The following OPCML variants were observed in gnomAD, a reference collection of about 807,000 sequenced individuals.
The protein encoded by OPCML is opioid-binding protein/cell adhesion molecule.
A neutral mutation model predicts 37.8 loss-of-function variants in OPCML; 13 were observed. That is an observed-to-expected ratio of 0.34 (90% CI 0.22 to 0.55). The LOEUF is 0.55. OPCML is among the 20% of genes least tolerant of loss of function. The pLI is 0.91. For synonymous variants in OPCML, 176 were observed against 168.8 expected, an observed-to-expected ratio of 1.04 and a Z score of -0.33; for missense variants, 341 against 435.6, an observed-to-expected ratio of 0.78 and a Z score of 1.93.
chr11:133,000,139 C>A (rs1333632158), intron 1 of OPCML, among the ~76,000 whole-genome samples: 3 of 152,180 alleles, frequency 2.0e-5, no homozygotes, highest in Non-Finnish European at 2.9e-5. Context: ...TCACTGCAAC[C>A]TCTGCCTCCC....
At chr11:132,600,390 G>A (rs149750368) in intron 3 of OPCML, among the ~76,000 whole-genome samples, 52 of 152,282 alleles carry the variant, frequency 3.4e-4, no homozygotes, top group African/African-American at 1.2e-3. Context: ...AATACGAAGG[G>A]ACCAAAGGCC....
intron 1 of OPCML, among the ~76,000 whole-genome samples, chr11:133,271,672 C>A (rs1345911958): frequency 6.6e-6 from 1 of 152,124 alleles, no homozygotes; most frequent in Non-Finnish European, 1.5e-5. Context: ...TTGGTAGAAC[C>A]AATATTCTCA....
At chr11:132,480,431 T>C (rs1004133411) in intron 4 of OPCML, among the ~76,000 whole-genome samples, 4 of 152,186 alleles carry the variant, frequency 2.6e-5, no homozygotes, top group African/African-American at 9.7e-5. Context: ...TGGAACCAAG[T>C]TGGAAAACAC....
intron 1 of OPCML, among the ~76,000 whole-genome samples, chr11:133,159,587 G>A (rs1021779914): frequency 6.6e-6 from 1 of 152,208 alleles, no homozygotes; most frequent in East Asian, 1.9e-4. Context: ...ACTAAAGCAA[G>A]TCATGCGGCC....
chr11:132,829,645 C>T (rs1040510562), intron 2 of OPCML, among the ~76,000 whole-genome samples: 5 of 152,188 alleles, frequency 3.3e-5, no homozygotes, highest in Admixed American at 6.5e-5. Flanking sequence ...TTAGCAGCCT[C>T]ATGTCTCAGC....
chr11:132,446,398 G>A (rs575762913), intron 4 of OPCML, among the ~76,000 whole-genome samples: 7 of 151,950 alleles, frequency 4.6e-5, no homozygotes, highest in African/African-American at 1.7e-4. Context: ...ATTCCATACA[G>A]GCAGACAAAT....
chr11:133,419,239 T>C (rs1565624304), intron 1 of OPCML: 3 of 985,350 alleles, frequency 3.0e-6, no homozygotes, highest in Non-Finnish European at 3.6e-6. Context: ...ACAGTCATAG[T>C]TGGGAGAGAG....
chr11:132,713,617 C>T (rs1292207766), intron 2 of OPCML, among the ~76,000 whole-genome samples: 1 of 152,202 alleles, frequency 6.6e-6, no homozygotes, highest in Non-Finnish European at 1.5e-5. Flanking sequence ...GTATTCAGTT[C>T]TCCTCCCTCA....
chr11:132,879,907 C>T (rs968188295), intron 2 of OPCML, among the ~76,000 whole-genome samples: 13 of 152,154 alleles, frequency 8.5e-5, no homozygotes, highest in Middle Eastern at 3.2e-3. Flanking sequence ...GGCATTTGGG[C>T]TATTCTGAAT....
chr11:132,470,966 A>T (rs1454670448), intron 4 of OPCML, among the ~76,000 whole-genome samples: 5 of 152,196 alleles, frequency 3.3e-5, no homozygotes, highest in Non-Finnish European at 7.4e-5. Context: ...GAAAAAGGAG[A>T]ACCTCAGATA....
rs550855780 is a variant in OPCML, at chr11:132,604,848, A to C, written c.379+52239T>G. On this transcript the variant is annotated intron_variant, in intron 3 of 7. Coordinates refer to ENST00000524381, the MANE Select transcript of OPCML (RefSeq NM_001012393.5). ...TTAATTGATGTAGAGGGTATAGTGA[A>C]GCATTGATGGCCTGTAAGACCAAAA... Among the ~76,000 whole-genome samples the C allele has an allele frequency of 9.5e-4, 144 of 152,318 alleles. 3 individuals carry two copies. In the South Asian group the frequency reaches 0.029, roughly 31 times the overall value.
chr11:133,384,247 C>CAAAAAAAAAAAAAAAAAAAAAAA (rs1186998875), intron 1 of OPCML, among the ~76,000 whole-genome samples: 1 of 71,238 alleles, frequency 1.4e-5, no homozygotes. Flanking sequence ...GGCCACTGTG[C>CAAAAAAAAAAAAAAAAAAAAAAA]AAAAAAAAAA....
intron 4 of OPCML, among the ~76,000 whole-genome samples, chr11:132,524,245 A>G (rs1565636058): frequency 6.6e-6 from 1 of 152,200 alleles, no homozygotes; most frequent in Non-Finnish European, 1.5e-5. Context: ...GGAACGGGAA[A>G]GGAAGTAATT....
intron 1 of OPCML, among the ~76,000 whole-genome samples, chr11:133,489,631 T>C (rs1248950513): frequency 1.3e-5 from 2 of 152,064 alleles, no homozygotes; most frequent in East Asian, 3.9e-4. Flanking sequence ...GTTGGCGGAA[T>C]GTAAATTAAT....
chr11:133,200,077 C>A (rs76014673), intron 1 of OPCML, among the ~76,000 whole-genome samples: 10,222 of 152,238 alleles, frequency 0.067, 480 homozygotes, highest in South Asian at 0.17. Context: ...AAATGAGCAC[C>A]ATTTCCCCCA....
chr11:132,768,208 A>G (rs1366291418), intron 2 of OPCML, among the ~76,000 whole-genome samples: 1 of 152,132 alleles, frequency 6.6e-6, no homozygotes, highest in East Asian at 1.9e-4. Context: ...GCTTCTATTC[A>G]TTGTTCTGAT....
chr11:132,820,037 C>A (rs1217628481), intron 2 of OPCML, among the ~76,000 whole-genome samples: 1 of 151,970 alleles, frequency 6.6e-6, no homozygotes, highest in Non-Finnish European at 1.5e-5. Context: ...GAGGGTCTTA[C>A]ATATAGCCTT....
intron 1 of OPCML, among the ~76,000 whole-genome samples, chr11:133,252,465 C>A (rs930545653): frequency 1.3e-5 from 2 of 152,114 alleles, no homozygotes; most frequent in African/African-American, 4.8e-5. Context: ...AATCTGTCAC[C>A]CATCAGCAAC....
At position 132,831,781 on chromosome 11, in the gene OPCML, A is replaced by C. The variant is rs550785011; in HGVS notation, c.146+111145T>G. Among the ~76,000 whole-genome samples, 29 of 151,350 alleles carry C rather than the reference A, an allele frequency of 1.9e-4. No homozygotes were observed. In the South Asian group the frequency reaches 5.8e-3, roughly 30 times the overall value. ...AAAGTTAGGCTGTCAAATTTGTATA[A>C]GCACAGAAAGCCCTGTACAAACCTT... is the stretch of plus-strand genomic sequence containing the variant. On this transcript the variant is annotated intron_variant, in intron 2 of 7. Coordinates refer to ENST00000524381, the MANE Select transcript of OPCML (RefSeq NM_001012393.5).
Sources: gnomAD v4.1 joint callset for allele counts (sites outside exome capture counted in the v4.1 genomes callset) on GRCh38, gnomAD v4.1.1 for gene constraint, MANE v1.5 for transcripts, NCBI Gene and HGNC (gene_info 2026-07-23, HGNC 2026-07-21) for gene names.